The following YEATS2 variants were observed in gnomAD, a reference collection of about 807,000 sequenced individuals.
YEATS2 encodes the protein YEATS domain containing 2, also known as YEATS domain-containing protein 2.
YEATS2 carries 77 observed loss-of-function variants against 163.2 expected under a neutral mutation model. The ratio of observed to expected loss-of-function variants is 0.47; its 90% CI spans 0.39 to 0.57. The LOEUF is 0.57. YEATS2 is among the 20% of genes least tolerant of loss of function. The pLI, the probability that YEATS2 is intolerant of heterozygous loss-of-function variation, is 0.00. For synonymous variants in YEATS2, 631 were observed against 645.1 expected (o/e 0.98, Z 0.33); for missense variants, 1,549 against 1,729.8 (o/e 0.90, Z 1.85).
At chr3:183,712,720 C>T (rs1355610594) in intron 1 of YEATS2, among the ~76,000 whole-genome samples, 1 of 151,800 alleles carries the variant, frequency 6.6e-6, no homozygotes, top group Non-Finnish European at 1.5e-5. Context: ...CCACCAGCCA[C>T]AAGTAGTTAT....
Position 183,789,524 on chromosome 3 carries a change from A to ATTTTT in YEATS2, c.2914-1273_2914-1272insTTTTT, listed in dbSNP as rs1560317945. Among the ~76,000 whole-genome samples, 7 of 77,102 alleles carry ATTTTT rather than the reference A, an allele frequency of 9.1e-5. No individual in the cohort carries two copies. In the South Asian group the frequency reaches 1.8e-3, roughly 20 times the overall value. 50.6% of individuals were successfully genotyped at this position (77,102 alleles called of 152,430 possible). ...TTTAGGTTTCAGATTCATTCGAGTT[A>ATTTTT]ATTTTTTTTTTTTTTTTTTTTTTTT... On this transcript the variant is annotated intron_variant, in intron 20 of 30. Transcript: ENST00000305135.
chr3:183,743,704 T>C (rs1719215050), intron 8 of YEATS2, among the ~76,000 whole-genome samples: 1 of 152,170 alleles, frequency 6.6e-6, no homozygotes, highest in African/African-American at 2.4e-5. Context: ...ACCCTTTTTA[T>C]AGTATTATAG....
intron 6 of YEATS2, among the ~76,000 whole-genome samples, chr3:183,727,523 G>A (rs1377224838): frequency 4.6e-5 from 7 of 152,210 alleles, no homozygotes; most frequent in Non-Finnish European, 8.8e-5. Flanking sequence ...AGCTGGAAGA[G>A]TAAAGGGCCA....
chr3:183,753,175 G>A (rs532284319), intron 10 of YEATS2, among the ~76,000 whole-genome samples: 6 of 152,140 alleles, frequency 3.9e-5, no homozygotes, highest in Admixed American at 1.3e-4. Flanking sequence ...CTGATTGTGC[G>A]AGCAAGAAAC....
intron 23 of YEATS2, among the ~76,000 whole-genome samples, chr3:183,799,819 T>TG (rs1402140355): frequency 1.3e-3 from 196 of 149,176 alleles, no homozygotes; most frequent in African/African-American, 4.2e-3. Context: ...GTAGCATTGT[T>TG]TTTTTTTTTT....
At chr3:183,793,333 G>A in intron 21 of YEATS2, 1 of 1,089,098 alleles carries the variant, frequency 9.2e-7, no homozygotes, top group Non-Finnish European at 1.1e-6. Context: ...AAAAATTAAG[G>A]CTGATTATAT....
intron 19 of YEATS2, among the ~76,000 whole-genome samples, chr3:183,779,439 G>A (rs2108426797): frequency 6.6e-6 from 1 of 152,306 alleles, no homozygotes; most frequent in Non-Finnish European, 1.5e-5. Flanking sequence ...TTGCAGCAGT[G>A]CACAGGTGAG....
chr3:183,788,496 C>T (rs984867739), intron 20 of YEATS2, among the ~76,000 whole-genome samples: 1 of 152,162 alleles, frequency 6.6e-6, no homozygotes, highest in African/African-American at 2.4e-5. Flanking sequence ...TTTCTTATAA[C>T]GGAATAATAT....
chr3:183,803,838 TAATGGGGAGTAACACAACCAGG>T, intron 26 of YEATS2, 127 bp from the exon 27 acceptor site: 7 of 767,456 alleles, frequency 9.1e-6, no homozygotes, highest in Non-Finnish European at 1.4e-5. Flanking sequence ...CTTTTTTTTT[TAATGGGGAGTAACACAACCAGG>T]TTTTTTTCTT....
intron 27 of YEATS2, chr3:183,806,517 T>C (rs1386759193): frequency 2.3e-6 from 1 of 434,904 alleles, no homozygotes. Context: ...TTCTTCACTC[T>C]GCATTTCTAA....
At chr3:183,772,710 T>A in intron 16 of YEATS2, 147 bp downstream of exon 16, 1 of 1,030,564 alleles carries the variant, frequency 9.7e-7, no homozygotes, top group Non-Finnish European at 1.4e-6. Context: ...TTTGTTCTTT[T>A]TTATGGGACA....
chr3:183,718,640 G>T, intron 4 of YEATS2, 48 bp downstream of exon 4: 1 of 1,391,988 alleles, frequency 7.2e-7, no homozygotes. Flanking sequence ...CATATTTGTT[G>T]TCTGAGGGGA....
rs560356146 is a variant in YEATS2, at chr3:183,731,072, C to T, written c.812+2221C>T. Among the ~76,000 whole-genome samples the T allele has an allele frequency of 2.0e-5, 3 of 152,098 alleles. No individual in the cohort carries two copies. In the East Asian group the frequency reaches 5.8e-4, roughly 29 times the overall value. On this transcript the variant is annotated intron_variant, in intron 7 of 30. Coordinates refer to ENST00000305135, the MANE Select transcript of YEATS2 (RefSeq NM_018023.5). ...ATTCCAGCACTTTCGGAGGCTGAGG[C>T]GGGCGGATCACGAGGTCAGGAGATC...
intron 13 of YEATS2, among the ~76,000 whole-genome samples, chr3:183,760,502 A>T (rs552207734): frequency 1.3e-5 from 2 of 152,034 alleles, no homozygotes; most frequent in East Asian, 1.9e-4. Context: ...TTGTATTTTT[A>T]GTAGAGACGG....
At chr3:183,808,614 G>C (rs1216721749) in intron 29 of YEATS2, 1 of 171,882 alleles carries the variant, frequency 5.8e-6, no homozygotes, top group Non-Finnish European at 1.2e-5. Flanking sequence ...TCAGCACTTT[G>C]GGAGGCCGAG....
Position 183,811,384 on chromosome 3 carries a change from A to T in YEATS2, c.*801A>T, listed in dbSNP as rs1726786933. ...CGAAGCAGATCGCAGGTTCCACGCC[A>T]TCTGCATGGCCTGCAGGAGCTTCTG... On this transcript the variant is annotated 3_prime_UTR_variant, in exon 31 of 31. Coordinates refer to ENST00000305135, the MANE Select transcript of YEATS2 (RefSeq NM_018023.5). 6.5e-6 allele frequency: 1 copy of T among 152,696 alleles called. No individual in the cohort carries two copies. Among genetic ancestry groups the T allele is most frequent in the Non-Finnish European group, 1.5e-5 (1 of 68,124 alleles). The allele number at this position is 152,696 out of a possible 1,614,324, so 9.5% of individuals were successfully genotyped here. A position where few individuals can be genotyped will look rare whatever the true frequency, so the allele number is the denominator to read the frequency against.
At chr3:183,798,362 C>G (rs1486687426) in intron 22 of YEATS2, among the ~76,000 whole-genome samples, 1 of 152,042 alleles carries the variant, frequency 6.6e-6, no homozygotes, top group African/African-American at 2.4e-5. Flanking sequence ...TTTTCCTTTC[C>G]TTTTCTTTTG....
At chr3:183,776,146 T>C (rs766188198) in intron 18 of YEATS2, 23 bp downstream of exon 18, 3 of 1,527,240 alleles carry the variant, frequency 2.0e-6, no homozygotes, top group South Asian at 1.3e-5. Flanking sequence ...GTAACTGATA[T>C]TTTAAATCAT....
At chr3:183,746,228 A>G (rs1719524970) in intron 8 of YEATS2, among the ~76,000 whole-genome samples, 1 of 151,990 alleles carries the variant, frequency 6.6e-6, no homozygotes, top group African/African-American at 2.4e-5. Flanking sequence ...ACACCTGGCT[A>G]ATTTTTGTAG....
Sources: allele counts gnomAD v4.1 joint callset (sites outside exome capture counted in the v4.1 genomes callset), GRCh38; gene constraint gnomAD v4.1.1; transcripts MANE v1.5; gene names NCBI Gene and HGNC (gene_info 2026-07-23, HGNC 2026-07-21).